The following PHTF2 variants were observed in gnomAD, a reference collection of about 807,000 sequenced individuals.
The protein encoded by PHTF2 is protein PHTF2.
PHTF2 carries 60 observed loss-of-function variants against 101.2 expected under a neutral mutation model. That is an observed-to-expected ratio of 0.59 (90% CI 0.48 to 0.73). The LOEUF is 0.73. PHTF2 is among the 30% of genes least tolerant of loss of function. The pLI is 0.00. For missense variants in PHTF2, 747 were observed against 908.7 expected, an observed-to-expected ratio of 0.82 and a Z score of 2.29; for synonymous variants, 311 against 307.3, an observed-to-expected ratio of 1.01 and a Z score of -0.13.
At position 77,821,566 on chromosome 7, in the gene PHTF2, G is replaced by T. The variant is rs575209368; in HGVS notation, c.-35-18655G>T. 2.6e-5 allele frequency among the ~76,000 whole-genome samples: 4 copies of T among 152,122 alleles called. No individual in the cohort carries two copies. The South Asian group carries it at 8.3e-4, about 32-fold the overall frequency. On this transcript the variant is annotated intron_variant, in intron 1 of 19. Transcript: ENST00000416283. ...GCTCAGGAGTGTGTCCACCATAGAT[G>T]GCCCTCAGAGCTGTTTCTCAGGCCC...
At chr7:77,895,336 G>A (rs909915983) in intron 5 of PHTF2, among the ~76,000 whole-genome samples, 1 of 152,004 alleles carries the variant, frequency 6.6e-6, no homozygotes, top group Non-Finnish European at 1.5e-5. Context: ...TTAATGGGTA[G>A]GTAAATAAAG....
intron 1 of PHTF2, among the ~76,000 whole-genome samples, chr7:77,828,091 G>A (rs1029724920): frequency 1.6e-4 from 24 of 152,312 alleles, no homozygotes; most frequent in South Asian, 6.2e-4. Context: ...TTGATAAAGA[G>A]TACTTGGAAC....
intron 1 of PHTF2, among the ~76,000 whole-genome samples, chr7:77,814,303 A>G (rs1242026593): frequency 6.6e-6 from 1 of 152,202 alleles, no homozygotes; most frequent in Non-Finnish European, 1.5e-5. Flanking sequence ...TCAGTGATCA[A>G]TACATAACCT....
At chr7:77,937,161 C>T (rs895638496) in intron 12 of PHTF2, among the ~76,000 whole-genome samples, 2 of 151,598 alleles carry the variant, frequency 1.3e-5, no homozygotes, top group Admixed American at 6.6e-5. Context: ...AGATATTAAA[C>T]GTTAAATATG....
At chr7:77,873,033 G>T (rs1798646880) in intron 3 of PHTF2, among the ~76,000 whole-genome samples, 1 of 152,096 alleles carries the variant, frequency 6.6e-6, no homozygotes, top group South Asian at 2.1e-4. Context: ...GGGTTCAAGC[G>T]AGTCCCCTGC....
chr7:77,861,516 G>A (rs1352570583), intron 3 of PHTF2, among the ~76,000 whole-genome samples: 1 of 152,046 alleles, frequency 6.6e-6, no homozygotes. Flanking sequence ...CTGATTTGTG[G>A]TGGTTATTGT....
intron 3 of PHTF2, among the ~76,000 whole-genome samples, chr7:77,878,933 A>T (rs1799171983): frequency 2.0e-5 from 3 of 152,172 alleles, no homozygotes; most frequent in Admixed American, 6.5e-5. Context: ...ATCTATCTAG[A>T]TCTAGCTAGG....
At chr7:77,874,065 C>T (rs1012384392) in intron 3 of PHTF2, among the ~76,000 whole-genome samples, 1 of 152,212 alleles carries the variant, frequency 6.6e-6, no homozygotes. Flanking sequence ...AACCAACCAA[C>T]TTCATTATGT....
chr7:77,832,355 A>G (rs1028271433), intron 1 of PHTF2, among the ~76,000 whole-genome samples: 2 of 152,208 alleles, frequency 1.3e-5, no homozygotes, highest in Non-Finnish European at 2.9e-5. Flanking sequence ...AAAGAGTTTG[A>G]GCATTACTTC....
intron 12 of PHTF2, among the ~76,000 whole-genome samples, chr7:77,932,087 C>G (rs1264749176): frequency 6.6e-6 from 1 of 151,944 alleles, no homozygotes. Flanking sequence ...AGCGACAGAG[C>G]GGACTCTGTC....
At chr7:77,861,395 C>T (rs576615089) in intron 3 of PHTF2, among the ~76,000 whole-genome samples, 6 of 152,076 alleles carry the variant, frequency 3.9e-5, no homozygotes, top group East Asian at 3.9e-4. Flanking sequence ...CACTATCCTA[C>T]GTGGTGAATT....
At chr7:77,893,776 T>A (rs1312395822) in intron 4 of PHTF2, 112 bp downstream of exon 3, 1 of 618,356 alleles carries the variant, frequency 1.6e-6, no homozygotes, top group Non-Finnish European at 2.8e-6. Context: ...ACTATTCTAT[T>A]GAAGCTTTTA....
intron 2 of PHTF2, among the ~76,000 whole-genome samples, chr7:77,848,995 G>A (rs1008664671): frequency 7.2e-5 from 11 of 152,106 alleles, no homozygotes; most frequent in South Asian, 2.1e-4. Context: ...AACATCCATC[G>A]TGATGTTCTT....
At chr7:77,930,061 C>G (rs1334876259) in intron 12 of PHTF2, among the ~76,000 whole-genome samples, 2 of 149,724 alleles carry the variant, frequency 1.3e-5, no homozygotes, top group Non-Finnish European at 2.9e-5. Flanking sequence ...TCCAGCGATT[C>G]TCCTGCCTCA....
chr7:77,880,258 CGTTAA>C (rs1327010962), intron 3 of PHTF2, among the ~76,000 whole-genome samples: 2 of 152,124 alleles, frequency 1.3e-5, no homozygotes, highest in Admixed American at 6.5e-5. Context: ...AAATAGCATT[CGTTAA>C]GTTGTCAAAC....
At chr7:77,953,949 G>T (rs531233721) in intron 19 of PHTF2, 55 bp downstream of exon 18, 21 of 1,555,018 alleles carry the variant, frequency 1.4e-5, no homozygotes, top group Non-Finnish European at 1.9e-5. Context: ...TTTTTGTTGC[G>T]CCCATTTTAC....
chr7:77,873,469 G>T (rs1798686573), intron 3 of PHTF2, among the ~76,000 whole-genome samples: 1 of 152,120 alleles, frequency 6.6e-6, no homozygotes, highest in Non-Finnish European at 1.5e-5. Flanking sequence ...CCCATCTCTA[G>T]GGGCCGGCTG....
intron 5 of PHTF2, among the ~76,000 whole-genome samples, chr7:77,894,356 G>T (rs1800705943): frequency 6.6e-6 from 1 of 152,098 alleles, no homozygotes; most frequent in African/African-American, 2.4e-5. Flanking sequence ...TTTTGCACGA[G>T]CTAAATTTAA....
chr7:77,877,147 G>T (rs1329335561), intron 3 of PHTF2, among the ~76,000 whole-genome samples: 2 of 134,330 alleles, frequency 1.5e-5, no homozygotes, highest in Non-Finnish European at 3.1e-5. Flanking sequence ...ACAGAGTTTC[G>T]CTCTGTCACC....
Sources: allele counts gnomAD v4.1 joint callset (sites outside exome capture counted in the v4.1 genomes callset), GRCh38; gene constraint gnomAD v4.1.1; transcripts MANE v1.5; gene names NCBI Gene and HGNC (gene_info 2026-07-23, HGNC 2026-07-21).